PPP1R13B: variants seen among roughly 807,000 people sequenced by gnomAD.
The protein encoded by PPP1R13B is protein phosphatase 1 regulatory subunit 13B.
Under a neutral mutation model 119.8 loss-of-function variants are expected in PPP1R13B, and 44 were observed. The ratio of observed to expected loss-of-function variants is 0.37; its 90% CI spans 0.29 to 0.47. The LOEUF (loss-of-function observed/expected upper bound fraction) is 0.47. Ranked by LOEUF, PPP1R13B falls within the 20% of genes least tolerant of loss-of-function variation. PPP1R13B has a pLI of 0.99. For synonymous variants in PPP1R13B, 542 were observed against 561.5 expected, an observed-to-expected ratio of 0.97 and a Z score of 0.49; for missense variants, 1,227 against 1,413.5, an observed-to-expected ratio of 0.87 and a Z score of 2.12.
In PPP1R13B at chr14:103,777,354, A is replaced by T. The variant is rs543877289; in HGVS notation, c.354+1391T>A. Among the ~76,000 whole-genome samples, 15 of 152,248 alleles carry T rather than the reference A, an allele frequency of 9.9e-5. No homozygotes were observed. In the South Asian group the frequency reaches 1.9e-3, roughly 19 times the overall value. ...TCCCCTCACCTATGATAAGCATTCC[A>T]TCTATTCTCCAAGTCTATACCACAA... On this transcript the variant is annotated intron_variant, in intron 4 of 16. Transcript: ENST00000202556.
chr14:103,797,275 C>G, intron 2 of PPP1R13B, 96 bp downstream of exon 2: 1 of 1,302,988 alleles, frequency 7.7e-7, no homozygotes, highest in Non-Finnish European at 1.0e-6. Context: ...TTTTCCCCAT[C>G]TTTATCAGAA....
intron 1 of PPP1R13B, among the ~76,000 whole-genome samples, chr14:103,813,922 A>G (rs1346183091): frequency 1.3e-5 from 2 of 152,212 alleles, no homozygotes; most frequent in African/African-American, 2.4e-5. Flanking sequence ...AAACATTTCC[A>G]TTATCATTTA....
chr14:103,744,064 T>G (rs939978596), intron 9 of PPP1R13B: 4 of 152,234 alleles, frequency 2.6e-5, no homozygotes, highest in Non-Finnish European at 5.9e-5. Flanking sequence ...CTGGAGGATG[T>G]GTGGCCAGAA....
chr14:103,784,941 C>A, intron 2 of PPP1R13B, 27 bp from the exon 3 acceptor site: 1 of 1,529,424 alleles, frequency 6.5e-7, no homozygotes, highest in Non-Finnish European at 8.9e-7. Context: ...ATCTTTTTTA[C>A]TCCAGAATTA....
chr14:103,739,195 G>C (rs2084187885), intron 12 of PPP1R13B, 172 bp from the exon 13 acceptor site: 3 of 800,324 alleles, frequency 3.7e-6, no homozygotes, highest in Non-Finnish European at 5.9e-6. Flanking sequence ...ATAAGGGCCA[G>C]GGCCACTCTG....
intron 1 of PPP1R13B, among the ~76,000 whole-genome samples, chr14:103,803,805 C>T (rs1417115544): frequency 1.3e-5 from 2 of 152,102 alleles, no homozygotes; most frequent in Non-Finnish European, 2.9e-5. Context: ...GCTTCTCTGC[C>T]CTGATGAATC....
intron 1 of PPP1R13B, among the ~76,000 whole-genome samples, chr14:103,805,084 A>G (rs150451162): frequency 0.024 from 3,714 of 152,088 alleles, 55 homozygotes; most frequent in South Asian, 0.056. Context: ...TGATCTGCCC[A>G]CCTCGGCCTC....
chr14:103,746,415 G>C lies in PPP1R13B; in HGVS notation c.1108C>G (p.Leu370Val). 6.2e-7 allele frequency: 1 copy of C among 1,613,428 alleles called. No individual in the cohort carries two copies. The highest frequency in any genetic ancestry group is 8.5e-7 in the Non-Finnish European group (1 of 1,179,662). Reference protein sequence around the residue: ...VLGDPIKPQSLSIASNAAHGR... With the variant: ...VLGDPIKPQSVSIASNAAHGR... ...TGAGCAGCATTTGAGGCAATACTGAGAGACTGGGGCTTTATAGGGTCCCCC... is the reference window on the plus strand; with the variant it reads ...TGAGCAGCATTTGAGGCAATACTGACAGACTGGGGCTTTATAGGGTCCCCC... The change falls in exon 9 of 17, where the codon CTC (leucine) becomes GTC (valine). Residue 370 changes from leucine (L) to valine (V), a missense_variant. Leu to Val is a conservative substitution (Grantham distance 32). Coordinates refer to ENST00000202556, the MANE Select transcript of PPP1R13B (RefSeq NM_015316.3).
At position 103,740,290 on chromosome 14, in the gene PPP1R13B, C is replaced by A; in HGVS notation, c.2126G>T (p.Ser709Ile). 6.3e-7 allele frequency: 1 copy of A among 1,591,116 alleles called. No individual in the cohort carries two copies. The highest frequency in any genetic ancestry group is 8.6e-7 in the Non-Finnish European group (1 of 1,168,358). Residue 709 changes from serine (S) to isoleucine (I), a missense_variant, in exon 12 of 17, where the codon AGC (serine) becomes ATC (isoleucine). By Grantham distance (142) the Ser-to-Ile change is moderately radical. Transcript: ENST00000202556. The surrounding 1 kb of genome is among the most constrained non-coding windows in gnomAD (Gnocchi z 4.6). The stretch of plus-strand genomic sequence containing the variant: ...GGGGCCCTCGGGCTCTGTGATGGAG[C>A]TGCGCTTTTTCAGGGGCCGGGGCGC... ...ANAPRPLKKR[S>I]SITEPEGPGG...
intron 16 of PPP1R13B, among the ~76,000 whole-genome samples, chr14:103,735,484 GCCTGGCT>G (rs775647756): frequency 6.6e-6 from 1 of 152,212 alleles, no homozygotes; most frequent in Non-Finnish European, 1.5e-5. Context: ...AAGGGTCTCT[GCCTGGCT>G]CCCTGCTGTG....
At chr14:103,793,106 A>AAGGGG in intron 2 of PPP1R13B, among the ~76,000 whole-genome samples, 2 of 93,366 alleles carry the variant, frequency 2.1e-5, no homozygotes, top group Non-Finnish European at 4.0e-5. Context: ...GAGGGGAGGG[A>AAGGGG]AGGGGAGGGA....
chr14:103,799,617 G>GT (rs397762490), intron 1 of PPP1R13B, among the ~76,000 whole-genome samples: 68,457 of 141,030 alleles, frequency 0.49, 16,003 homozygotes, highest in Admixed American at 0.53. Context: ...CGGGTTTTTT[G>GT]TTTTTTTTTT....
rs1052702032 is a variant in PPP1R13B at position 103,794,559 on chromosome 14, C to G, written c.157+2812G>C. On this transcript the variant is annotated intron_variant, in intron 2 of 16. Coordinates refer to ENST00000202556, the MANE Select transcript of PPP1R13B (RefSeq NM_015316.3). ...GCCAGGCTGGTCTCAAACTCCTGAC[C>G]TCAGGTGATCCACCCACCTCGGCCT... The G allele has an allele frequency of 1.0e-5, 4 of 393,934 alleles. No homozygotes were observed. In the Admixed American group the frequency reaches 1.2e-4, roughly 12 times the overall value. 24.4% of individuals were successfully genotyped at this position (393,934 alleles called of 1,614,324 possible).
intron 12 of PPP1R13B, 129 bp from the exon 13 acceptor site, chr14:103,739,152 G>T: frequency 7.8e-7 from 1 of 1,274,306 alleles, no homozygotes; most frequent in Non-Finnish European, 1.1e-6. Flanking sequence ...CCCTGGAGTG[G>T]TAGCAGTAGC....
At position 103,753,138 on chromosome 14, in the gene PPP1R13B, A is replaced by C; in HGVS notation, c.690T>G (p.Thr230=). Residue 230 remains threonine (T), a synonymous_variant, in exon 7 of 17, where the codon ACT becomes ACG. Coordinates refer to ENST00000202556, the MANE Select transcript of PPP1R13B (RefSeq NM_015316.3). ...MFQEKKQEVQ[T]AILRVDQLSQ... ...TAAGCTGATCAACCCTTAAAATTGC[A>C]GTCTGTACTTCCTGCTTCTTTTCCT... 6.2e-7 allele frequency: 1 copy of C among 1,613,636 alleles called. No individual in the cohort carries two copies.
intron 1 of PPP1R13B, among the ~76,000 whole-genome samples, chr14:103,821,811 C>A (rs1437632803): frequency 6.6e-6 from 1 of 151,782 alleles, no homozygotes; most frequent in African/African-American, 2.4e-5. Context: ...CAAAATAGAT[C>A]TATAATATGA....
At chr14:103,795,168 C>T (rs1414113363) in intron 2 of PPP1R13B, among the ~76,000 whole-genome samples, 1 of 152,092 alleles carries the variant, frequency 6.6e-6, no homozygotes, top group Non-Finnish European at 1.5e-5. Context: ...CAACTCCTGG[C>T]TTCAAGTGAT....
Position 103,738,412 on chromosome 14 carries a change from G to A in PPP1R13B, c.2864+267C>T, listed in dbSNP as rs2084167254. ...ACATATGAGAAGGGGAAGATGGAAT[G>A]ATTCACAGAATGCTTAGACTGCAAT... On this transcript the variant is annotated intron_variant, in intron 14 of 16. Transcript: ENST00000202556. The surrounding 1 kb of genome is among the most constrained non-coding windows in gnomAD (Gnocchi z 5.6). 5.9e-6 allele frequency: 3 copies of A among 506,280 alleles called. No homozygotes were observed. Among genetic ancestry groups the A allele is most frequent in the Non-Finnish European group, 1.1e-5 (3 of 281,104 alleles). The allele number at this position is 506,280 out of a possible 1,614,324, so 31.4% of individuals were successfully genotyped here. A position where few individuals can be genotyped will look rare whatever the true frequency, so the allele number is the denominator to read the frequency against.
chr14:103,742,729 C>G lies in PPP1R13B; in HGVS notation c.1245G>C (p.Val415=). 1 of 1,614,152 alleles carries G rather than the reference C, an allele frequency of 6.2e-7. No individual in the cohort carries two copies. Among genetic ancestry groups the G allele is most frequent in the Admixed American group, 1.7e-5 (1 of 60,024 alleles). ...CAGTGCCCTGCTTGACAGACCCCTC[C>G]ACGCTCGGATCCTTCCAGTCTGCAC... ...VAGADWKDPS[V]EGSVKQGTVS... is the part of the protein sequence containing the mutation. The change falls in exon 10 of 17, where the codon GTG becomes GTC. Residue 415 remains valine (V), a synonymous_variant. Transcript: ENST00000202556. The surrounding 1 kb of genome is among the most constrained non-coding windows in gnomAD (Gnocchi z 4.9).
Sources: allele counts gnomAD v4.1 joint callset (sites outside exome capture counted in the v4.1 genomes callset), GRCh38; gene constraint gnomAD v4.1.1; non-coding constraint Gnocchi (gnomAD v3.1); transcripts MANE v1.5; gene names NCBI Gene and HGNC (gene_info 2026-07-23, HGNC 2026-07-21).